Variants in DLGAP1 observed in about 807,000 individuals in gnomAD.
The protein encoded by DLGAP1 is DLG associated protein 1.
DLGAP1 carries 11 observed loss-of-function variants against 90.8 expected under a neutral mutation model. That is an observed-to-expected ratio of 0.12 (90% CI 0.08 to 0.20). The LOEUF (loss-of-function observed/expected upper bound fraction) is 0.20, where lower values mean the gene tolerates loss of function less well. DLGAP1 is among the 10% of genes least tolerant of loss of function. DLGAP1 has a pLI of 1.00. For synonymous variants in DLGAP1, 558 were observed against 540.7 expected (o/e 1.03, Z -0.44); for missense variants, 1,050 against 1,333.8 (o/e 0.79, Z 3.31).
chr18:3,947,105 G>A (rs1051791825), intron 3 of DLGAP1, among the ~76,000 whole-genome samples: 4 of 152,066 alleles, frequency 2.6e-5, no homozygotes, highest in African/African-American at 9.7e-5. Context: ...TAAACCCACC[G>A]TTTTTTCCTA....
chr18:3,665,867 C>T (rs2059859849), intron 7 of DLGAP1, among the ~76,000 whole-genome samples: 1 of 152,146 alleles, frequency 6.6e-6, no homozygotes, highest in African/African-American at 2.4e-5. Context: ...GCATTTGTCC[C>T]TTTTGAACAT....
At chr18:3,532,771 A>C (rs1476689909) in intron 10 of DLGAP1, among the ~76,000 whole-genome samples, 1 of 152,178 alleles carries the variant, frequency 6.6e-6, no homozygotes, top group Non-Finnish European at 1.5e-5. Context: ...TCCACCATTA[A>C]TTTAATAATA....
At position 3,720,888 on chromosome 18, in the gene DLGAP1, C is replaced by CCAAAAAAAAAAAAA. The variant is rs1441095000; in HGVS notation, c.1591+8246_1591+8247insTTTTTTTTTTTTTG. On this transcript the variant is annotated intron_variant, in intron 7 of 12. Coordinates refer to ENST00000315677, the MANE Select transcript of DLGAP1 (RefSeq NM_004746.4). ...GCAACATACTAAGACCTTGTCTCTA[C>CCAAAAAAAAAAAAA]AAAAAAAAAAAAAAAAAAAAATTAG... Among the ~76,000 whole-genome samples, 33 of 50,306 alleles carry CCAAAAAAAAAAAAA rather than the reference C, an allele frequency of 6.6e-4. 2 individuals carry two copies. Among genetic ancestry groups the CCAAAAAAAAAAAAA allele is most frequent in the African/African-American group, 2.5e-3 (31 of 12,486 alleles). The allele number at this position is 50,306 out of a possible 152,430, so 33.0% of individuals were successfully genotyped here.
At position 4,156,166 on chromosome 18, in the gene DLGAP1, C is replaced by T. The variant is rs559982849; in HGVS notation, c.-266-4879G>A. ...TCTAGAGCAGGCTTTTTAGGGAAAG[C>T]TGATACGTTCAGTCTGGCCATATTG... On this transcript the variant is annotated intron_variant, in intron 1 of 12. Transcript: ENST00000315677. Among the ~76,000 whole-genome samples the T allele has an allele frequency of 4.6e-5, 7 of 152,324 alleles. No individual in the cohort carries two copies. In the South Asian group the frequency reaches 1.2e-3, roughly 27 times the overall value.
intron 4 of DLGAP1, among the ~76,000 whole-genome samples, chr18:3,847,599 C>T (rs1239558219): frequency 1.3e-5 from 2 of 151,974 alleles, no homozygotes; most frequent in African/African-American, 2.4e-5. Context: ...AAAGGGCAGG[C>T]AATTCAGGGG....
chr18:4,238,968 A>T (rs2078473708), intron 1 of DLGAP1, among the ~76,000 whole-genome samples: 2 of 152,230 alleles, frequency 1.3e-5, no homozygotes, highest in African/African-American at 4.8e-5. Context: ...AATTTGCATG[A>T]ACATCAAAAT....
At chr18:4,091,121 C>G (rs2075767945) in intron 2 of DLGAP1, among the ~76,000 whole-genome samples, 1 of 152,108 alleles carries the variant, frequency 6.6e-6, no homozygotes, top group Non-Finnish European at 1.5e-5. Flanking sequence ...AGCATCAGGA[C>G]AAATAGCTAA....
intron 7 of DLGAP1, among the ~76,000 whole-genome samples, chr18:3,590,272 G>A (rs578248912): frequency 6.6e-6 from 1 of 152,220 alleles, no homozygotes; most frequent in African/African-American, 2.4e-5. Flanking sequence ...TGCTGGAACT[G>A]GCCCTTCTCA....
Position 3,641,769 on chromosome 18 carries a change from T to C in DLGAP1, c.1592-59521A>G, listed in dbSNP as rs188827569. On this transcript the variant is annotated intron_variant, in intron 7 of 12. Transcript: ENST00000315677. ...GCCACATAGCAGTCCTGTAAGGGCA[T>C]AGAACAGGTGGTTGTCTCATATGTA... Among the ~76,000 whole-genome samples the C allele has an allele frequency of 3.9e-5, 6 of 152,244 alleles. No individual in the cohort carries two copies. The East Asian group carries it at 7.7e-4, about 20-fold the overall frequency.
intron 1 of DLGAP1, among the ~76,000 whole-genome samples, chr18:4,297,797 G>A (rs1417864345): frequency 6.6e-6 from 1 of 151,898 alleles, no homozygotes; most frequent in Admixed American, 6.6e-5. Context: ...TATCACTGTT[G>A]CTCTTACTCA....
At chr18:4,247,684 G>A (rs945357693) in intron 1 of DLGAP1, among the ~76,000 whole-genome samples, 1 of 152,048 alleles carries the variant, frequency 6.6e-6, no homozygotes, top group Non-Finnish European at 1.5e-5. Context: ...GGCTGAGGCA[G>A]GAGAATCACT....
intron 5 of DLGAP1, among the ~76,000 whole-genome samples, chr18:3,746,791 C>T (rs2003033): frequency 0.45 from 68,563 of 152,018 alleles, 16,726 homozygotes; most frequent in African/African-American, 0.64. Context: ...ACATTACATT[C>T]ATGTACATCC....
At chr18:3,976,517 G>A (rs928920488) in intron 3 of DLGAP1, among the ~76,000 whole-genome samples, 2 of 152,114 alleles carry the variant, frequency 1.3e-5, no homozygotes, top group African/African-American at 4.8e-5. Context: ...GGTGTTCTCT[G>A]TTCCCTGCAT....
At chr18:4,381,011 C>A (rs1487285631) in intron 1 of DLGAP1, among the ~76,000 whole-genome samples, 3 of 152,192 alleles carry the variant, frequency 2.0e-5, no homozygotes, top group Non-Finnish European at 4.4e-5. Flanking sequence ...CAAGAATACT[C>A]ATTTAATTTA....
At chr18:4,343,783 G>A (rs1488668509) in intron 1 of DLGAP1, among the ~76,000 whole-genome samples, 2 of 152,032 alleles carry the variant, frequency 1.3e-5, no homozygotes, top group Non-Finnish European at 2.9e-5. Flanking sequence ...ATGTATCCCA[G>A]AACTTAAAGT....
At chr18:4,309,840 C>T (rs2080354043) in intron 1 of DLGAP1, among the ~76,000 whole-genome samples, 1 of 152,110 alleles carries the variant, frequency 6.6e-6, no homozygotes, top group Non-Finnish European at 1.5e-5. Context: ...AAAAAGGCTC[C>T]ACAGGCTTTT....
intron 9 of DLGAP1, among the ~76,000 whole-genome samples, chr18:3,548,902 T>C (rs2053216663): frequency 6.6e-6 from 1 of 152,094 alleles, no homozygotes; most frequent in South Asian, 2.1e-4. Context: ...CTGGGTGTGC[T>C]GGCACATGCC....
chr18:4,318,544 C>T (rs543209892), intron 1 of DLGAP1, among the ~76,000 whole-genome samples: 4 of 152,096 alleles, frequency 2.6e-5, no homozygotes, highest in South Asian at 2.1e-4. Flanking sequence ...AAGAACAGAT[C>T]GGGGCAAGAA....
chr18:4,376,659 G>T (rs1567872265), intron 1 of DLGAP1, among the ~76,000 whole-genome samples: 2 of 152,156 alleles, frequency 1.3e-5, no homozygotes, highest in South Asian at 4.1e-4. Flanking sequence ...AGTCTTAAAA[G>T]AACAGTCTTG....
Sources: gnomAD v4.1 joint callset for allele counts (sites outside exome capture counted in the v4.1 genomes callset) on GRCh38, gnomAD v4.1.1 for gene constraint, MANE v1.5 for transcripts, NCBI Gene and HGNC (gene_info 2026-07-23, HGNC 2026-07-21) for gene names.